Variants in CLSTN2 observed in about 807,000 individuals in gnomAD.
CLSTN2 encodes calsyntenin-2.
In CLSTN2, 48 loss-of-function variants were observed where a neutral mutation model predicts 101.2. The observed-to-expected ratio is 0.47, with a 90% confidence interval of 0.38 to 0.60. The LOEUF (loss-of-function observed/expected upper bound fraction) is 0.60, where lower values mean the gene tolerates loss of function less well. Among genes scored for constraint, CLSTN2 ranks in the 20% least tolerant of loss-of-function variants. The probability of loss-of-function intolerance (pLI) is 0.00; values close to 1 mark genes in which losing one functional copy is unlikely to be tolerated. For synonymous variants in CLSTN2, 481 were observed against 463.6 expected (o/e 1.04, Z -0.48); for missense variants, 1,160 against 1,238.2 (o/e 0.94, Z 0.95).
intron 1 of CLSTN2, among the ~76,000 whole-genome samples, chr3:140,136,702 C>A (rs1450433995): frequency 6.6e-6 from 1 of 152,192 alleles, no homozygotes; most frequent in East Asian, 1.9e-4. Flanking sequence ...AAGATGGTGA[C>A]TCTCAATTGC....
chr3:140,391,465 C>A (rs2092742040), intron 2 of CLSTN2, among the ~76,000 whole-genome samples: 1 of 152,066 alleles, frequency 6.6e-6, no homozygotes, highest in Admixed American at 6.6e-5. Flanking sequence ...GGCTGAACTC[C>A]CCAGGTCACT....
intron 2 of CLSTN2, among the ~76,000 whole-genome samples, chr3:140,225,919 A>ATTT (rs1559811611): frequency 2.8e-5 from 4 of 143,678 alleles, no homozygotes; most frequent in African/African-American, 1.2e-4. Flanking sequence ...ATTTTTTTTA[A>ATTT]AAAAAAAAGG....
At chr3:140,492,161 T>G (rs963064335) in intron 8 of CLSTN2, among the ~76,000 whole-genome samples, 1 of 152,190 alleles carries the variant, frequency 6.6e-6, no homozygotes, top group South Asian at 2.1e-4. Context: ...AAAAATAAAT[T>G]TCAAAAGAGA....
rs1217952838 is a variant in CLSTN2 at position 140,546,604 on chromosome 3, A to G, written c.1597A>G (p.Lys533Glu). Residue 533 changes from lysine to glutamate, a missense_variant, in exon 10 of 17, where the codon AAG (lysine) becomes GAG (glutamate). Transcript: ENST00000458420. ...TIRPGKMESQ[K>E]VISCLQACKE... is the part of the protein sequence containing the mutation. ...CCGCCCTGGCAAAATGGAAAGCCAG[A>G]AGGTGATCTCCTGCCTGCAGGCCTG... is the stretch of plus-strand genomic sequence containing the variant. 3.7e-6 allele frequency: 6 copies of G among 1,614,012 alleles called. No individual in the cohort carries two copies. The Admixed American group carries it at 1.0e-4, about 27-fold the overall frequency.
intron 2 of CLSTN2, among the ~76,000 whole-genome samples, chr3:140,346,723 T>C (rs1268717455): frequency 6.6e-6 from 1 of 152,214 alleles, no homozygotes; most frequent in Non-Finnish European, 1.5e-5. Context: ...TCTTGGCCAG[T>C]GACTCATGCA....
At chr3:140,401,999 C>T (rs1321538567) in intron 2 of CLSTN2, among the ~76,000 whole-genome samples, 2 of 151,546 alleles carry the variant, frequency 1.3e-5, no homozygotes, top group East Asian at 1.9e-4. Flanking sequence ...TCCACAAGTA[C>T]ATTGAGAAAT....
chr3:139,973,045 AGACT>A (rs1482267917), intron 1 of CLSTN2, among the ~76,000 whole-genome samples: 1 of 152,230 alleles, frequency 6.6e-6, no homozygotes, highest in African/African-American at 2.4e-5. Context: ...GTTCTTGATC[AGACT>A]GGTGGGAAAG....
chr3:140,427,531 T>C (rs1346268850), intron 5 of CLSTN2, among the ~76,000 whole-genome samples: 2 of 151,948 alleles, frequency 1.3e-5, no homozygotes, highest in Non-Finnish European at 2.9e-5. Flanking sequence ...ATCTGATGCT[T>C]AGGAGACAGG....
At chr3:140,208,132 T>C (rs1025495274) in intron 2 of CLSTN2, among the ~76,000 whole-genome samples, 3 of 152,188 alleles carry the variant, frequency 2.0e-5, no homozygotes, top group Non-Finnish European at 2.9e-5. Context: ...TCATGTTTTA[T>C]CATTTTTTTC....
intron 2 of CLSTN2, among the ~76,000 whole-genome samples, chr3:140,310,972 C>T (rs1420668946): frequency 6.6e-6 from 1 of 152,166 alleles, no homozygotes; most frequent in Admixed American, 6.5e-5. Context: ...TCCAGAGCAT[C>T]CCAGGCCGAA....
chr3:140,340,186 T>A (rs2087478771), intron 2 of CLSTN2, among the ~76,000 whole-genome samples: 1 of 152,210 alleles, frequency 6.6e-6, no homozygotes, highest in Non-Finnish European at 1.5e-5. Flanking sequence ...CTAGCAGATG[T>A]CCTCCTACAA....
chr3:140,072,844 G>A (rs545361009), intron 1 of CLSTN2, among the ~76,000 whole-genome samples: 1 of 152,292 alleles, frequency 6.6e-6, no homozygotes, highest in East Asian at 1.9e-4. Flanking sequence ...CATTTTTCCT[G>A]GAGTACTTAC....
chr3:140,291,630 T>C (rs1184546489), intron 2 of CLSTN2, among the ~76,000 whole-genome samples: 34 of 151,768 alleles, frequency 2.2e-4, no homozygotes, highest in Admixed American at 2.2e-3. Context: ...TGCTGGCAAC[T>C]TCCCCCATCT....
chr3:140,533,710 C>CAAAAAAA (rs71627883), intron 9 of CLSTN2, among the ~76,000 whole-genome samples: 12 of 58,848 alleles, frequency 2.0e-4, no homozygotes, highest in African/African-American at 3.5e-4. Context: ...GACTCCATCT[C>CAAAAAAA]AAAAAAAAAA....
intron 2 of CLSTN2, among the ~76,000 whole-genome samples, chr3:140,387,416 T>C (rs762615168): frequency 1.3e-5 from 2 of 152,242 alleles, no homozygotes; most frequent in Admixed American, 6.5e-5. Context: ...AGCAGTTTAC[T>C]AACCTCTCCA....
chr3:140,513,562 A>C (rs1043500556), intron 8 of CLSTN2, among the ~76,000 whole-genome samples: 1 of 145,372 alleles, frequency 6.9e-6, no homozygotes, highest in African/African-American at 2.6e-5. Context: ...TACTGACCTG[A>C]AGCTTTCTTT....
At chr3:140,356,220 G>A (rs368157932) in intron 2 of CLSTN2, among the ~76,000 whole-genome samples, 11 of 152,300 alleles carry the variant, frequency 7.2e-5, no homozygotes, top group African/African-American at 2.6e-4. Context: ...TTAAAAAGAA[G>A]ATGAGAATAG....
chr3:140,509,229 G>A (rs1411567983), intron 8 of CLSTN2, among the ~76,000 whole-genome samples: 1 of 152,126 alleles, frequency 6.6e-6, no homozygotes, highest in Non-Finnish European at 1.5e-5. Context: ...GGACAAATGT[G>A]GTCCAAAAAT....
intron 10 of CLSTN2, among the ~76,000 whole-genome samples, chr3:140,554,090 T>C (rs1412106113): frequency 5.3e-5 from 8 of 152,126 alleles, no homozygotes. Context: ...CACTGTACTA[T>C]AATAGTGGTG....
Sources: allele counts gnomAD v4.1 joint callset (sites outside exome capture counted in the v4.1 genomes callset), GRCh38; gene constraint gnomAD v4.1.1; transcripts MANE v1.5; gene names NCBI Gene and HGNC (gene_info 2026-07-23, HGNC 2026-07-21).